The following ULBP1 variants were observed in gnomAD, a reference collection of about 807,000 sequenced individuals.
ULBP1 encodes UL16 binding protein 1.
Under a neutral mutation model 25.3 loss-of-function variants are expected in ULBP1, and 28 were observed. The ratio of observed to expected loss-of-function variants is 1.10; its 90% CI spans 0.82 to 1.51. The LOEUF (loss-of-function observed/expected upper bound fraction) is 1.51. Among genes scored for constraint, ULBP1 ranks in the 40% most tolerant of loss-of-function variants. The pLI is 0.00. For synonymous variants in ULBP1, 129 were observed against 103.0 expected (o/e 1.25, Z -1.53); for missense variants, 348 against 290.9 (o/e 1.20, Z -1.43).
rs1554269883 is a variant in ULBP1, at chr6:149,969,167, T to C, written c.432T>C (p.Asn144=). 1.2e-6 allele frequency: 2 copies of C among 1,614,124 alleles called. No individual in the cohort carries two copies. Among genetic ancestry groups the C allele is most frequent in the South Asian group, 2.2e-5 (2 of 91,088 alleles). The change falls in exon 3 of 5, where the codon AAT becomes AAC. Residue 144 remains asparagine (N), a synonymous_variant. Transcript: ENST00000229708. The stretch of plus-strand genomic sequence containing the variant: ...GAGGATCTTGGCAGTTCCTCTTCAA[T>C]GGACAGAAGTTCCTCCTCTTTGACT... ...HGRGSWQFLF[N]GQKFLLFDSN... is the part of the protein sequence containing the mutation.
At position 149,969,257 on chromosome 6, in the gene ULBP1, G is replaced by A. The variant is rs1779263815; in HGVS notation, c.522G>A (p.Lys174=). Residue 174 remains lysine, a synonymous_variant, in exon 3 of 5, where the codon AAG becomes AAA. Coordinates refer to ENST00000229708, the MANE Select transcript of ULBP1 (RefSeq NM_025218.4). The stretch of plus-strand genomic sequence containing the variant: ...AGAAGATGACAGAGAAGTGGGAGAA[G>A]AACAGGGATGTGACCATGTTCTTCC... ...GAKKMTEKWE[K]NRDVTMFFQK... is the part of the protein sequence containing the mutation. 1.9e-6 allele frequency: 3 copies of A among 1,614,260 alleles called. No homozygotes were observed. The highest frequency in any genetic ancestry group is 2.5e-6 in the Non-Finnish European group (3 of 1,180,056).
intron 4 of ULBP1, 131 bp downstream of exon 4, chr6:149,970,278 C>A: frequency 7.8e-7 from 1 of 1,285,656 alleles, no homozygotes; most frequent in Non-Finnish European, 1.0e-6. Flanking sequence ...ATGAGACCTG[C>A]TGTCACCTGT....
At chr6:149,969,428 A>T (rs1283028857) in intron 3 of ULBP1, 68 bp downstream of exon 3, 16 of 1,571,920 alleles carry the variant, frequency 1.0e-5, no homozygotes, top group East Asian at 2.2e-5. Context: ...TATGTGTGTG[A>T]GTGCGTGTGT....
intron 4 of ULBP1, among the ~76,000 whole-genome samples, chr6:149,970,822 C>A (rs1205210676): frequency 2.0e-5 from 3 of 152,242 alleles, no homozygotes; most frequent in Admixed American, 6.5e-5. Flanking sequence ...CAGCTGATGG[C>A]CCTGCCTGGA....
chr6:149,968,573 C>T (rs756363869), intron 1 of ULBP1, 34 bp from the exon 2 acceptor site: 11 of 1,583,000 alleles, frequency 6.9e-6, no homozygotes, highest in Non-Finnish European at 8.6e-6. Flanking sequence ...CATTTCCCCC[C>T]ACACCAACCC....
chr6:149,970,262 A>T, intron 4 of ULBP1, 115 bp downstream of exon 4: 1 of 1,373,816 alleles, frequency 7.3e-7, no homozygotes, highest in East Asian at 2.6e-5. Flanking sequence ...GACATTAGAC[A>T]GATGAATGAG....
chr6:149,964,120 G>C lies in ULBP1; in HGVS notation c.71G>C (p.Arg24Pro). 6.2e-7 allele frequency: 1 copy of C among 1,614,176 alleles called. No individual in the cohort carries two copies. The highest frequency in any genetic ancestry group is 1.7e-5 in the Admixed American group (1 of 60,026). ...PLLHLLSGWS[R>P]AGWVDTHCLC... is the part of the protein sequence containing the mutation. The stretch of plus-strand genomic sequence containing the variant: ...CTGCACCTGCTGTCTGGCTGGTCCC[G>C]GGCAGGATGGGTCGGTGAGTTCGGG... Residue 24 changes from arginine to proline, a missense_variant, in exon 1 of 5, where the codon CGG becomes CCG. Coordinates refer to ENST00000229708, the MANE Select transcript of ULBP1 (RefSeq NM_025218.4).
rs780778864 is a variant in ULBP1, at chr6:149,968,680, A to C, written c.159A>C (p.Gln53His). 9 of 1,614,162 alleles carry C rather than the reference A, an allele frequency of 5.6e-6. No individual in the cohort carries two copies. The highest frequency in any genetic ancestry group is 7.6e-6 in the Non-Finnish European group (9 of 1,179,992). The change falls in exon 2 of 5, where the codon CAA (glutamine) becomes CAC (histidine). Residue 53 changes from glutamine to histidine, a missense_variant. Coordinates refer to ENST00000229708, the MANE Select transcript of ULBP1 (RefSeq NM_025218.4). ...CTGAACCACAGTGGTGTGAAGTTCA[A>C]GGCCTGGTGGATGAAAGGCCTTTTC... ...SRPEPQWCEV[Q>H]GLVDERPFLH... is the part of the protein sequence containing the mutation.
In ULBP1 at chr6:149,973,290, A is replaced by C. The variant is rs1413695711; in HGVS notation, c.*1944A>C. ...GCAGCTAAACATTAAATTCGCATGA[A>C]CCACAGATGCTGGAGATCACCAGAC... On this transcript the variant is annotated 3_prime_UTR_variant, in exon 5 of 5. Transcript: ENST00000229708. The C allele has an allele frequency of 4.6e-5, 7 of 152,300 alleles. No homozygotes were observed. The highest frequency in any genetic ancestry group is 8.8e-5 in the Non-Finnish European group (6 of 68,018). 9.4% of individuals were successfully genotyped at this position (152,300 alleles called of 1,614,324 possible).
At chr6:149,965,256 C>G (rs1266078471) in intron 1 of ULBP1, among the ~76,000 whole-genome samples, 1 of 125,246 alleles carries the variant, frequency 8.0e-6, no homozygotes, top group African/African-American at 3.9e-5. Context: ...CCCCGAACAT[C>G]GCGGTCTCCC....
Position 149,969,300 on chromosome 6 carries a change from G to T in ULBP1, c.565G>T (p.Asp189Tyr), listed in dbSNP as rs934378562. The change falls in exon 3 of 5, where the codon GAT becomes TAT. Residue 189 changes from aspartate to tyrosine, a missense_variant. By Grantham distance (160) the Asp-to-Tyr change is radical. Coordinates refer to ENST00000229708, the MANE Select transcript of ULBP1 (RefSeq NM_025218.4). ...TMFFQKISLG[D>Y]CKMWLEEFLM... The stretch of plus-strand genomic sequence containing the variant: ...GTTCTTCCAGAAGATTTCACTGGGG[G>T]ATTGTAAGATGTGGCTTGAAGAATT... 3.1e-6 allele frequency: 5 copies of T among 1,614,244 alleles called. No homozygotes were observed. Among genetic ancestry groups the T allele is most frequent in the Non-Finnish European group, 4.2e-6 (5 of 1,180,038 alleles).
chr6:149,969,015 G>A, intron 2 of ULBP1, 70 bp from the exon 3 acceptor site: 2 of 1,576,786 alleles, frequency 1.3e-6, no homozygotes, highest in South Asian at 1.2e-5. Context: ...AAGTCCAGGA[G>A]CCAGGAAAGG....
chr6:149,967,701 T>A (rs941047575), intron 1 of ULBP1, among the ~76,000 whole-genome samples: 1 of 152,148 alleles, frequency 6.6e-6, no homozygotes, highest in African/African-American at 2.4e-5. Context: ...ATTATTTACA[T>A]CATTGCACCC....
Position 149,964,695 on chromosome 6 carries a change from G to A in ULBP1, c.85+561G>A, listed in dbSNP as rs9688941. Among the ~76,000 whole-genome samples the A allele has an allele frequency of 8.1e-3, 1,176 of 145,754 alleles. 16 individuals carry two copies. The highest frequency in any genetic ancestry group is 0.028 in the African/African-American group (1,110 of 38,966). Reference sequence around the variant, plus strand: ...TCCCCTCCGCGGCTCCTTTCCGCCGGGTCTGATTCCTGCGGCTGCTGCTTG... The same window carrying A: ...TCCCCTCCGCGGCTCCTTTCCGCCGAGTCTGATTCCTGCGGCTGCTGCTTG... On this transcript the variant is annotated intron_variant, in intron 1 of 4. Coordinates refer to ENST00000229708, the MANE Select transcript of ULBP1 (RefSeq NM_025218.4).
intron 1 of ULBP1, among the ~76,000 whole-genome samples, chr6:149,966,414 T>C (rs1193488761): frequency 4.6e-5 from 7 of 152,040 alleles, no homozygotes; most frequent in Admixed American, 4.6e-4. Context: ...GTGGTGTGGA[T>C]GTGATGGATG....
rs201349903 is a variant in ULBP1 at position 149,969,350 on chromosome 6, G to C, written c.615G>C (p.Leu205=). Residue 205 remains leucine (L), a synonymous_variant, in exon 3 of 5, where the codon CTG becomes CTC. Coordinates refer to ENST00000229708, the MANE Select transcript of ULBP1 (RefSeq NM_025218.4). ...TTTTGATGTACTGGGAACAAATGCT[G>C]GATCCAACAAGTAAGTGAGAGGGGG... The part of the protein sequence containing the change: ...EEFLMYWEQM[L]DPTKPPSLAP... The C allele has an allele frequency of 1.0e-4, 161 of 1,612,778 alleles. No homozygotes were observed. The highest frequency in any genetic ancestry group is 6.6e-4 in the Middle Eastern group (4 of 6,054).
At chr6:149,969,834 C>A (rs1779281421) in intron 3 of ULBP1, among the ~76,000 whole-genome samples, 182 bp from the exon 4 acceptor site, 1 of 152,116 alleles carries the variant, frequency 6.6e-6, no homozygotes, top group Non-Finnish European at 1.5e-5. Flanking sequence ...GTGTGAGCTC[C>A]CTGAGGGCAG....
At chr6:149,969,038 G>T (rs1381972476) in intron 2 of ULBP1, 47 bp from the exon 3 acceptor site, 1 of 1,597,178 alleles carries the variant, frequency 6.3e-7, no homozygotes, top group Admixed American at 1.7e-5. Flanking sequence ...GCAGGGTGGG[G>T]CTCAGGCTTT....
At chr6:149,964,411 G>A (rs145070494) in intron 1 of ULBP1, among the ~76,000 whole-genome samples, 68 of 150,718 alleles carry the variant, frequency 4.5e-4, no homozygotes, top group Non-Finnish European at 8.1e-4. Context: ...GTTCCCCTCG[G>A]TGGCTCCTTT....
Sources: gnomAD v4.1 joint callset for allele counts (sites outside exome capture counted in the v4.1 genomes callset) on GRCh38, gnomAD v4.1.1 for gene constraint, MANE v1.5 for transcripts, NCBI Gene and HGNC (gene_info 2026-07-23, HGNC 2026-07-21) for gene names.